The following PCYT1A variants were observed in gnomAD, a reference collection of about 807,000 sequenced individuals.
PCYT1A encodes phosphate cytidylyltransferase 1A, choline, also known as choline-phosphate cytidylyltransferase A.
PCYT1A carries 25 observed loss-of-function variants against 43.7 expected under a neutral mutation model. The ratio of observed to expected loss-of-function variants is 0.57; its 90% CI spans 0.42 to 0.80. The LOEUF is 0.80. Ranked by LOEUF, PCYT1A falls within the 30% of genes least tolerant of loss-of-function variation. The pLI is 0.00. For synonymous variants in PCYT1A, 172 were observed against 170.7 expected, an observed-to-expected ratio of 1.01 and a Z score of -0.06; for missense variants, 421 against 474.2, an observed-to-expected ratio of 0.89 and a Z score of 1.04.
At position 196,242,529 on chromosome 3, in the gene PCYT1A, A is replaced by C. The variant is rs1484217220; in HGVS notation, c.565+33T>G. 7.2e-7 allele frequency: 1 copy of C among 1,390,776 alleles called. No homozygotes were observed. Among genetic ancestry groups the C allele is most frequent in the East Asian group, 2.3e-5 (1 of 43,844 alleles). 86.2% of individuals were successfully genotyped at this position (1,390,776 alleles called of 1,614,324 possible). On this transcript the variant is annotated intron_variant, in intron 6 of 8. Coordinates refer to ENST00000431016, the MANE Select transcript of PCYT1A (RefSeq NM_001312673.2). This position sits in a 1 kb window ranked among gnomAD's most constrained non-coding sequence, Gnocchi z 4.2. ...GCTGAACATCTGCAGCTGCCCTGAG[A>C]TCCCCTACAGTGAGGAAGCACAGCT...
intron 5 of PCYT1A, among the ~76,000 whole-genome samples, chr3:196,244,439 G>C (rs1289448150): frequency 2.0e-5 from 3 of 150,822 alleles, no homozygotes; most frequent in Non-Finnish European, 4.4e-5. Context: ...GATGTGAGGA[G>C]CTCCTCTGCC....
intron 5 of PCYT1A, among the ~76,000 whole-genome samples, chr3:196,243,484 G>A (rs985414217): frequency 6.6e-6 from 1 of 152,022 alleles, no homozygotes; most frequent in Non-Finnish European, 1.5e-5. Context: ...GGCCATAAGA[G>A]AAGTTTTCTC....
At chr3:196,267,962 G>C (rs187983489) in intron 2 of PCYT1A, among the ~76,000 whole-genome samples, 21 of 152,296 alleles carry the variant, frequency 1.4e-4, no homozygotes, top group Admixed American at 1.0e-3. Flanking sequence ...TCCTCACTAA[G>C]GTGGGCCAGG....
intron 3 of PCYT1A, chr3:196,250,813 G>A (rs1179499687): frequency 5.8e-6 from 1 of 171,840 alleles, no homozygotes; most frequent in African/African-American, 2.4e-5. Flanking sequence ...GATACACTAT[G>A]CTGAGGTTGA....
intron 2 of PCYT1A, among the ~76,000 whole-genome samples, chr3:196,260,668 C>A (rs751514783): frequency 1.1e-4 from 16 of 152,090 alleles, no homozygotes; most frequent in Non-Finnish European, 2.2e-4. Flanking sequence ...ATGGTAAAAT[C>A]CCATCTCTAC....
intron 5 of PCYT1A, among the ~76,000 whole-genome samples, chr3:196,244,946 A>C (rs1189996702): frequency 6.6e-6 from 1 of 152,156 alleles, no homozygotes; most frequent in Non-Finnish European, 1.5e-5. Flanking sequence ...CAGGGACACA[A>C]ACACTGCAGA....
intron 2 of PCYT1A, among the ~76,000 whole-genome samples, chr3:196,262,828 C>T (rs1364511035): frequency 4.0e-5 from 6 of 150,274 alleles, no homozygotes; most frequent in Non-Finnish European, 7.4e-5. Context: ...ACAGTCTCAC[C>T]CTGTCGCCCA....
chr3:196,255,994 C>T (rs1321506897), intron 3 of PCYT1A, among the ~76,000 whole-genome samples: 1 of 152,190 alleles, frequency 6.6e-6, no homozygotes, highest in Non-Finnish European at 1.5e-5. Flanking sequence ...TCATTTTACC[C>T]TGCCTCCAGG....
chr3:196,280,579 T>A (rs1284414150), intron 1 of PCYT1A, among the ~76,000 whole-genome samples: 3 of 148,310 alleles, frequency 2.0e-5, no homozygotes, highest in African/African-American at 7.4e-5. Flanking sequence ...TGTTTTTTTT[T>A]TTTTTTTTTT....
intron 2 of PCYT1A, among the ~76,000 whole-genome samples, chr3:196,265,164 A>G (rs1725229818): frequency 6.6e-6 from 1 of 151,720 alleles, no homozygotes; most frequent in South Asian, 2.1e-4. Context: ...CCTGGGTTCA[A>G]GCCATTCTCC....
intron 5 of PCYT1A, among the ~76,000 whole-genome samples, chr3:196,245,736 G>A (rs1190963749): frequency 6.6e-6 from 1 of 152,062 alleles, no homozygotes; most frequent in Non-Finnish European, 1.5e-5. Context: ...GATCACCTGA[G>A]GTCAGGAGTT....
chr3:196,247,165 A>G lies in PCYT1A; in HGVS notation c.486+202T>C, dbSNP rs1469556326. Among the ~76,000 whole-genome samples the G allele has an allele frequency of 6.6e-6, 1 of 152,222 alleles. No homozygotes were observed. Among genetic ancestry groups the G allele is most frequent in the East Asian group, 1.9e-4 (1 of 5,206 alleles). On this transcript the variant is annotated intron_variant, in intron 5 of 8. Coordinates refer to ENST00000431016, the MANE Select transcript of PCYT1A (RefSeq NM_001312673.2). This position sits in a 1 kb window ranked among gnomAD's most constrained non-coding sequence, Gnocchi z 4.8. ...GCAGAAAATGGAATAGAATGGATGTAAAAGTGCTTGCAAACCATCCAGCCC... is the reference window on the plus strand; with the variant it reads ...GCAGAAAATGGAATAGAATGGATGTGAAAGTGCTTGCAAACCATCCAGCCC...
rs575345364 is a variant in PCYT1A, at chr3:196,277,245, AT to A, written c.-10-6705del. On this transcript the variant is annotated intron_variant, in intron 1 of 8. Coordinates refer to ENST00000431016, the MANE Select transcript of PCYT1A (RefSeq NM_001312673.2). The surrounding 1 kb of genome is among the most constrained non-coding windows in gnomAD (Gnocchi z 4.1). ...GACTCCATTTCAAAAAAATATATAT[AT>A]TTTTTTCTTTACCTGCTTACACTAT... is the stretch of plus-strand genomic sequence containing the variant. Among the ~76,000 whole-genome samples the A allele has an allele frequency of 6.6e-6, 1 of 151,722 alleles. No individual in the cohort carries two copies. Among genetic ancestry groups the A allele is most frequent in the South Asian group, 2.1e-4 (1 of 4,804 alleles).
chr3:196,280,570 GT>G, intron 1 of PCYT1A, among the ~76,000 whole-genome samples: 2,415 of 91,326 alleles, frequency 0.026, 38 homozygotes, highest in African/African-American at 0.066. Context: ...TATTTTTATT[GT>G]TTTTTTTTTT....
At chr3:196,270,950 G>A (rs1253265608) in intron 1 of PCYT1A, among the ~76,000 whole-genome samples, 1 of 152,338 alleles carries the variant, frequency 6.6e-6, no homozygotes, top group East Asian at 1.9e-4. Flanking sequence ...AGGTATGACT[G>A]GTGCAGGTAG....
chr3:196,263,673 G>A (rs767298381), intron 2 of PCYT1A, among the ~76,000 whole-genome samples: 6 of 151,940 alleles, frequency 3.9e-5, no homozygotes, highest in South Asian at 2.1e-4. Flanking sequence ...TTGCTCTGTC[G>A]CCAGGCTGGA....
At position 196,258,285 on chromosome 3, in the gene PCYT1A, CA is replaced by C. The variant is rs201725120; in HGVS notation, c.118-399del. On this transcript the variant is annotated intron_variant, in intron 2 of 8. Transcript: ENST00000431016. Reference sequence around the variant, plus strand: ...TAGCCCACAGGGCAAGACTCCACCTCAAAAAAAAAAAAAAAAGAGTTTTTGT... The same window carrying C: ...TAGCCCACAGGGCAAGACTCCACCTCAAAAAAAAAAAAAAAGAGTTTTTGT... 5.0e-3 allele frequency among the ~76,000 whole-genome samples: 574 copies of C among 114,764 alleles called. 2 individuals carry two copies. The highest frequency in any genetic ancestry group is 0.013 in the African/African-American group (381 of 30,392). The allele number at this position is 114,764 out of a possible 152,430, so 75.3% of individuals were successfully genotyped here.
chr3:196,270,478 C>A lies in PCYT1A; in HGVS notation c.54G>T (p.Ala18=), dbSNP rs200496999. The A allele has an allele frequency of 3.1e-6, 5 of 1,614,050 alleles. No homozygotes were observed. Among genetic ancestry groups the A allele is most frequent in the Middle Eastern group, 1.6e-4 (1 of 6,084 alleles). The change falls in exon 2 of 9, where the codon GCG becomes GCT. Residue 18 remains alanine, a synonymous_variant. Transcript: ENST00000431016. ...CTTCTGTTGCCCCGTTGGGTCCGGGCGCCTCTTTTCTCCTCTTCCTTGCAT... is the reference window on the plus strand; with the variant it reads ...CTTCTGTTGCCCCGTTGGGTCCGGGAGCCTCTTTTCTCCTCTTCCTTGCAT... ...KVNARKRRKE[A]PGPNGATEED...
intron 3 of PCYT1A, among the ~76,000 whole-genome samples, chr3:196,251,176 C>T (rs143435059): frequency 6.7e-6 from 1 of 148,196 alleles, no homozygotes; most frequent in African/African-American, 2.5e-5. Context: ...TCACATACAC[C>T]ATGCTGAGGC....
Sources: allele counts gnomAD v4.1 joint callset (sites outside exome capture counted in the v4.1 genomes callset), GRCh38; gene constraint gnomAD v4.1.1; non-coding constraint Gnocchi (gnomAD v3.1); transcripts MANE v1.5; gene names NCBI Gene and HGNC (gene_info 2026-07-23, HGNC 2026-07-21).